Variants in NPC1L1 observed in about 807,000 individuals in gnomAD.
NPC1L1 encodes the protein NPC1 like intracellular cholesterol transporter 1.
In NPC1L1, 98 loss-of-function variants were observed where a neutral mutation model predicts 117.0. The observed-to-expected ratio is 0.84, with a 90% CI of 0.71 to 0.99. The LOEUF (loss-of-function observed/expected upper bound fraction) is 0.99. Ranked by LOEUF, NPC1L1 falls within the 50% of genes least tolerant of loss-of-function variation. The pLI is 0.00. For synonymous variants in NPC1L1, 729 were observed against 727.6 expected (o/e 1.00, Z -0.03); for missense variants, 1,540 against 1,710.0 (o/e 0.90, Z 1.75).
At chr7:44,518,149 C>T (rs1801246318) in intron 14 of NPC1L1, among the ~76,000 whole-genome samples, 1 of 151,844 alleles carries the variant, frequency 6.6e-6, no homozygotes, top group Non-Finnish European at 1.5e-5. Context: ...TTATTAAGAC[C>T]TTTATACAAT....
chr7:44,537,571 G>A (rs141394411), intron 2 of NPC1L1, among the ~76,000 whole-genome samples: 190 of 152,302 alleles, frequency 1.2e-3, no homozygotes, highest in African/African-American at 3.8e-3. Flanking sequence ...CCGTCATTGC[G>A]AAGATGCAGT....
chr7:44,513,525 G>T lies in NPC1L1; in HGVS notation c.3921C>A (p.Val1307=). The T allele has an allele frequency of 6.2e-7, 1 of 1,614,222 alleles. No homozygotes were observed. Among genetic ancestry groups the T allele is most frequent in the Non-Finnish European group, 8.5e-7 (1 of 1,180,032 alleles). Residue 1307 remains valine, a synonymous_variant, in exon 19 of 19, where the codon GTC becomes GTA. Coordinates refer to ENST00000381160, the MANE Select transcript of NPC1L1 (RefSeq NM_001101648.2). ...SRVSTADNIY[V]NHSFEGSIKG... is the part of the protein sequence containing the mutation. ...TGATAGAACCTTCAAAGCTGTGGTT[G>T]ACATAGATGTTGTCAGCTGTGGAGA...
At chr7:44,537,033 A>G in intron 2 of NPC1L1, 91 bp from the exon 3 acceptor site, 1 of 992,512 alleles carries the variant, frequency 1.0e-6, no homozygotes, top group Non-Finnish European at 1.5e-6. Flanking sequence ...CCAGACCCAC[A>G]GCACTATGGA....
chr7:44,533,119 G>T (rs77451185), intron 8 of NPC1L1: 1 of 295,078 alleles, frequency 3.4e-6, no homozygotes, highest in Non-Finnish European at 6.6e-6. Flanking sequence ...AAAAAAAAAA[G>T]TTACATGCAG....
intron 7 of NPC1L1, 85 bp downstream of exon 7, chr7:44,533,654 T>C (rs962295798): frequency 3.7e-6 from 6 of 1,607,036 alleles, no homozygotes; most frequent in South Asian, 1.1e-5. Context: ...ATCTGCACTA[T>C]ACCCACTGCC....
Position 44,533,425 on chromosome 7 carries a change from CCCTA to C in NPC1L1, c.2409+2_2409+5del, listed in dbSNP as rs777157624. The stretch of plus-strand genomic sequence containing the variant: ...GGTCCCTCAGTACTGGCCCAGCTGC[CCCTA>C]CCTCCTGCCTCTTGCTGTCCAGGGA... On this transcript the variant is annotated splice_donor_variant and splice_donor_5th_base_variant and intron_variant, in intron 8 of 18. Coordinates refer to ENST00000381160, the MANE Select transcript of NPC1L1 (RefSeq NM_001101648.2). LOFTEE classifies it high-confidence loss of function. The C allele has an allele frequency of 6.2e-7, 1 of 1,613,722 alleles. No individual in the cohort carries two copies. The highest frequency in any genetic ancestry group is 2.2e-5 in the East Asian group (1 of 44,866).
chr7:44,535,699 G>A lies in NPC1L1; in HGVS notation c.1983+141C>T, dbSNP rs901294931. 3.8e-6 allele frequency: 4 copies of A among 1,047,886 alleles called. No homozygotes were observed. The Admixed American group carries it at 5.8e-5, about 15-fold the overall frequency. The allele number at this position is 1,047,886 out of a possible 1,614,324, so 64.9% of individuals were successfully genotyped here. A position where few individuals can be genotyped will look rare whatever the true frequency, so the allele number is the denominator to read the frequency against. On this transcript the variant is annotated intron_variant, in intron 5 of 18. Transcript: ENST00000381160. ...TTTCAGCACAGAACACTTGCAAGAG[G>A]TATTACCCTTTGGGGCAGCCACTTG...
At position 44,517,075 on chromosome 7, in the gene NPC1L1, G is replaced by A. The variant is rs1801213721; in HGVS notation, c.3287+132C>T. The A allele has an allele frequency of 2.5e-5, 36 of 1,449,926 alleles. No individual in the cohort carries two copies. The South Asian group carries it at 3.6e-4, about 14-fold the overall frequency. 89.8% of individuals were successfully genotyped at this position (1,449,926 alleles called of 1,614,324 possible). ...AAACCAGCCTAAGAAATAGGCCCAA[G>A]GCTGCAGCCAGAGCCTCCTGACCTA... On this transcript the variant is annotated intron_variant, in intron 15 of 18. Coordinates refer to ENST00000381160, the MANE Select transcript of NPC1L1 (RefSeq NM_001101648.2).
chr7:44,539,725 C>T lies in NPC1L1; in HGVS notation c.672G>A (p.Glu224=). Residue 224 remains glutamate (E), a synonymous_variant, in exon 2 of 19, where the codon GAG becomes GAA. Transcript: ENST00000381160. The surrounding 1 kb of genome is among the most constrained non-coding windows in gnomAD (Gnocchi z 4.4). ...TCCCACTCCCCACGGCCTGGCCAGGCTCCAAGAGGTGGAAGGTGATGTCCA... is the reference window on the plus strand; with the variant it reads ...TCCCACTCCCCACGGCCTGGCCAGGTTCCAAGAGGTGGAAGGTGATGTCCA... The part of the protein sequence containing the change: ...APLDITFHLL[E]PGQAVGSGIQ... The T allele has an allele frequency of 3.7e-6, 6 of 1,614,140 alleles. No individual in the cohort carries two copies.
chr7:44,530,125 G>A (rs980435260), intron 10 of NPC1L1, among the ~76,000 whole-genome samples: 3 of 151,672 alleles, frequency 2.0e-5, no homozygotes, highest in African/African-American at 4.8e-5. Context: ...ATCACCTGAG[G>A]TCAGAAGTTC....
chr7:44,516,984 T>A (rs2117021434), intron 15 of NPC1L1, 50 bp from the exon 16 acceptor site: 1 of 1,563,366 alleles, frequency 6.4e-7, no homozygotes, highest in Non-Finnish European at 8.8e-7. Context: ...GGGGCCCTCA[T>A]GGTGGGTGGG....
rs758220980 is a variant in NPC1L1 at position 44,532,106 on chromosome 7, G to T, written c.2521C>A (p.Leu841Met). The change falls in exon 9 of 19, where the codon CTG (leucine) becomes ATG (methionine). Residue 841 changes from leucine (L) to methionine (M), a missense_variant. Around this residue, in one of 3 missense-constraint regions of NPC1L1, gnomAD observed 742 missense variants for 873.6 expected, o/e 0.85. Coordinates refer to ENST00000381160, the MANE Select transcript of NPC1L1 (RefSeq NM_001101648.2). ...FFQKAYAPFL[L>M]HWITRGVVLL... ...ACAACACCTCGAGTGATCCAGTGCA[G>T]CAGGAAGGGGGCATAAGCCTTTTGG... 8.7e-6 allele frequency: 14 copies of T among 1,614,200 alleles called. No homozygotes were observed. The highest frequency in any genetic ancestry group is 1.2e-5 in the Non-Finnish European group (14 of 1,180,044).
chr7:44,523,055 TTTTTG>T (rs376801014), intron 10 of NPC1L1, among the ~76,000 whole-genome samples: 9 of 152,146 alleles, frequency 5.9e-5, no homozygotes, highest in African/African-American at 1.9e-4. Context: ...AACTATTTTG[TTTTTG>T]TTTTGTTTTG....
chr7:44,527,411 C>G (rs559921389), intron 10 of NPC1L1, among the ~76,000 whole-genome samples: 53 of 131,248 alleles, frequency 4.0e-4, no homozygotes, highest in Non-Finnish European at 6.5e-4. Flanking sequence ...GAGCTGAGAT[C>G]ATGCCACTGC....
Position 44,538,672 on chromosome 7 carries a change from C to G in NPC1L1, c.1580+145G>C. 6 of 802,102 alleles carry G rather than the reference C, an allele frequency of 7.5e-6. No individual in the cohort carries two copies. In the South Asian group the frequency reaches 8.7e-5, roughly 12 times the overall value. 49.7% of individuals were successfully genotyped at this position (802,102 alleles called of 1,614,324 possible). On this transcript the variant is annotated intron_variant, in intron 2 of 18. Transcript: ENST00000381160. The surrounding 1 kb of genome is among the most constrained non-coding windows in gnomAD (Gnocchi z 5.9). ...CCGGACGAGGGGCAGAGATAATCAT[C>G]TGGGCGGCCCCAGGCCAGAGCCGTA...
intron 1 of NPC1L1, 108 bp downstream of exon 1, chr7:44,541,098 C>T (rs1802088873): frequency 2.4e-6 from 3 of 1,249,450 alleles, no homozygotes; most frequent in Non-Finnish European, 2.3e-6. Flanking sequence ...GCCCGCAGGC[C>T]CTGAGGCTCC....
rs115629183 is a variant in NPC1L1 at position 44,534,613 on chromosome 7, G to T, written c.2000C>A (p.Thr667Lys). 1 of 1,613,980 alleles carries T rather than the reference G, an allele frequency of 6.2e-7. No homozygotes were observed. Among genetic ancestry groups the T allele is most frequent in the Non-Finnish European group, 8.5e-7 (1 of 1,179,934 alleles). Reference sequence around the variant, plus strand: ...CACGGCCACCCCGCCGAGGCCCAGCGTGGCCTTGGAGTCCACCTGCAATGC... The same window carrying T: ...CACGGCCACCCCGCCGAGGCCCAGCTTGGCCTTGGAGTCCACCTGCAATGC... The part of the protein sequence containing the change: ...WSRVMVDSKA[T>K]LGLGGVAVVL... The change falls in exon 6 of 19, where the codon ACG becomes AAG. Residue 667 changes from threonine to lysine, a missense_variant. By Grantham distance (78) the Thr-to-Lys change is moderately conservative (BLOSUM62 -1). This residue lies in a region of NPC1L1 where 742 missense variants were observed against 873.6 expected (regional missense o/e 0.85). Coordinates refer to ENST00000381160, the MANE Select transcript of NPC1L1 (RefSeq NM_001101648.2). The surrounding 1 kb of genome is among the most constrained non-coding windows in gnomAD (Gnocchi z 5.2).
At position 44,517,359 on chromosome 7, in the gene NPC1L1, T is replaced by C. The variant is rs1317721305; in HGVS notation, c.3137-2A>G. 1 of 1,610,254 alleles carries C rather than the reference T, an allele frequency of 6.2e-7. No homozygotes were observed. The highest frequency in any genetic ancestry group is 1.1e-5 in the South Asian group (1 of 91,078). ...TGTGATAGGCCATGAACCTGGAGGC[T>C]GGACAGCCATGGCACACAGAAGATG... On this transcript the variant is annotated splice_acceptor_variant, in intron 14 of 18. Coordinates refer to ENST00000381160, the MANE Select transcript of NPC1L1 (RefSeq NM_001101648.2). LOFTEE classifies it high-confidence loss of function.
Position 44,522,216 on chromosome 7 carries a change from G to A in NPC1L1, c.2664C>T (p.Leu888=). 1.2e-6 allele frequency: 2 copies of A among 1,613,750 alleles called. No individual in the cohort carries two copies. The highest frequency in any genetic ancestry group is 1.7e-6 in the Non-Finnish European group (2 of 1,179,874). ...CCACCTCGAAGTAGCGGTTCAGAAA[G>A]AGGAAATAGTCAAGCAGGTACGAGT... ...PKDSYLLDYF[L]FLNRYFEVGA... is the part of the protein sequence containing the mutation. Residue 888 remains leucine (L), a synonymous_variant, in exon 11 of 19, where the codon CTC becomes CTT. Transcript: ENST00000381160.
Sources: gnomAD v4.1 joint callset for allele counts (sites outside exome capture counted in the v4.1 genomes callset) on GRCh38, gnomAD v4.1.1 for gene constraint, gnomAD v4.1.1 regional missense constraint, Gnocchi (gnomAD v3.1) non-coding constraint, MANE v1.5 for transcripts, NCBI Gene and HGNC (gene_info 2026-07-23, HGNC 2026-07-21) for gene names.